CCDC196: variants seen among roughly 807,000 people sequenced by gnomAD.
The protein encoded by CCDC196 is coiled-coil domain containing 196, also known as coiled-coil domain-containing protein 196.
intron 2 of CCDC196, among the ~76,000 whole-genome samples, chr14:66,487,594 G>A (rs958291365): frequency 6.6e-6 from 1 of 152,116 alleles, no homozygotes; most frequent in African/African-American, 2.4e-5. Context: ...ATGCCTTTAA[G>A]GAATATCCTC....
chr14:66,496,679 C>G (rs1036530155), intron 8 of CCDC196: 1 of 178,718 alleles, frequency 5.6e-6, no homozygotes, highest in Non-Finnish European at 1.2e-5. Context: ...AGGTGCTAAG[C>G]AATCTCTAAA....
At chr14:66,488,075 G>C (rs904452016) in intron 2 of CCDC196, 85 bp from the exon 3 acceptor site, 2 of 408,136 alleles carry the variant, frequency 4.9e-6, no homozygotes, top group African/African-American at 4.1e-5. Context: ...AACTTTCATG[G>C]TAGAGTACTT....
rs1423193036 is a variant in CCDC196, at chr14:66,498,512, T to G, written c.*40T>G. ...ATTTGCTTTGGACAGATTTAAAGAC[T>G]AGGCACAGCCATTTGTGTTAATTAA... On this transcript the variant is annotated 3_prime_UTR_variant, in exon 10 of 10. Coordinates refer to ENST00000636229, the MANE Select transcript of CCDC196 (RefSeq NM_001351576.1). 1 of 412,480 alleles carries G rather than the reference T, an allele frequency of 2.4e-6. No individual in the cohort carries two copies. The highest frequency in any genetic ancestry group is 4.4e-6 in the Non-Finnish European group (1 of 225,332). The allele number at this position is 412,480 out of a possible 1,614,324, so 25.6% of individuals were successfully genotyped here.
intron 8 of CCDC196, among the ~76,000 whole-genome samples, chr14:66,492,514 G>A (rs1788308532): frequency 1.3e-5 from 2 of 151,796 alleles, no homozygotes; most frequent in African/African-American, 4.8e-5. Flanking sequence ...GCTAATTTTT[G>A]TATTTTTAGT....
intron 2 of CCDC196, among the ~76,000 whole-genome samples, chr14:66,487,066 C>G (rs1437786457): frequency 6.6e-6 from 1 of 152,086 alleles, no homozygotes; most frequent in Non-Finnish European, 1.5e-5. Flanking sequence ...GCTGCCCACC[C>G]AAGAAATAGT....
intron 8 of CCDC196, chr14:66,494,544 T>C (rs959894389): frequency 3.9e-5 from 6 of 152,240 alleles, no homozygotes; most frequent in African/African-American, 1.4e-4. Context: ...TTGACTTCTT[T>C]AGTTTCCTAA....
At chr14:66,493,494 G>A (rs1384550413) in intron 8 of CCDC196, among the ~76,000 whole-genome samples, 1 of 152,188 alleles carries the variant, frequency 6.6e-6, no homozygotes, top group Non-Finnish European at 1.5e-5. Context: ...TTTGTGTGAT[G>A]ATAGTCGCCA....
chr14:66,495,020 C>T (rs989556828), intron 8 of CCDC196, among the ~76,000 whole-genome samples: 27 of 144,074 alleles, frequency 1.9e-4, no homozygotes, highest in South Asian at 4.4e-4. Flanking sequence ...AGCGAGACTT[C>T]GTATCAAAAA....
intron 8 of CCDC196, among the ~76,000 whole-genome samples, chr14:66,496,530 G>C (rs953080106): frequency 6.6e-6 from 1 of 152,144 alleles, no homozygotes; most frequent in Non-Finnish European, 1.5e-5. Context: ...CCGGAGACAG[G>C]TGACATTTGA....
intron 2 of CCDC196, 45 bp from the exon 3 acceptor site, chr14:66,488,115 C>A: frequency 2.4e-6 from 1 of 412,192 alleles, no homozygotes; most frequent in South Asian, 1.3e-4. Flanking sequence ...TCAGTATTAC[C>A]CTTAAGGAGG....
intron 6 of CCDC196, among the ~76,000 whole-genome samples, 181 bp from the exon 7 acceptor site, chr14:66,491,445 C>A (rs2057533265): frequency 6.6e-6 from 1 of 152,194 alleles, no homozygotes; most frequent in Non-Finnish European, 1.5e-5. Flanking sequence ...TAACCCTATT[C>A]ATTAGCTTTT....
chr14:66,494,782 T>C (rs1165658949), intron 8 of CCDC196: 6 of 152,136 alleles, frequency 3.9e-5, no homozygotes, highest in African/African-American at 1.4e-4. Flanking sequence ...TCCCAGCACT[T>C]TGGGAGGCTG....
chr14:66,498,410 G>A lies in CCDC196; in HGVS notation c.832G>A (p.Asp278Asn). Residue 278 changes from aspartate (D) to asparagine (N), a missense_variant, in exon 10 of 10, where the codon GAT becomes AAT. Transcript: ENST00000636229. Reference sequence around the variant, plus strand: ...ACAAGGAACTAAAGGAAGTCAGCTTGATAATACAGGAGGGAGACTCTTTTT... The same window carrying A: ...ACAAGGAACTAAAGGAAGTCAGCTTAATAATACAGGAGGGAGACTCTTTTT... ...EQQGTKGSQL[D>N]NTGGRLFFLR... 2.4e-6 allele frequency: 1 copy of A among 413,406 alleles called. No homozygotes were observed. Among genetic ancestry groups the A allele is most frequent in the Non-Finnish European group, 4.4e-6 (1 of 225,840 alleles). 25.6% of individuals were successfully genotyped at this position (413,406 alleles called of 1,614,324 possible). A position where few individuals can be genotyped will look rare whatever the true frequency, so the allele number is the denominator to read the frequency against.
intron 8 of CCDC196, among the ~76,000 whole-genome samples, 190 bp from the exon 9 acceptor site, chr14:66,497,919 T>C (rs978980046): frequency 2.6e-5 from 4 of 151,880 alleles, no homozygotes; most frequent in Admixed American, 2.0e-4. Context: ...ACATGAGCTG[T>C]AAACAGAAAA....
intron 8 of CCDC196, among the ~76,000 whole-genome samples, chr14:66,493,354 A>G (rs980630675): frequency 6.6e-5 from 10 of 152,180 alleles, no homozygotes; most frequent in Non-Finnish European, 1.3e-4. Flanking sequence ...TTCCAGTAAA[A>G]AGAAACATGG....
intron 8 of CCDC196, among the ~76,000 whole-genome samples, chr14:66,497,481 C>T (rs2057693090): frequency 6.6e-6 from 1 of 151,672 alleles, no homozygotes. Flanking sequence ...AAAGGGATAC[C>T]CTATTAAATT....
chr14:66,487,013 C>G (rs1481518642), intron 2 of CCDC196, among the ~76,000 whole-genome samples: 1 of 152,082 alleles, frequency 6.6e-6, no homozygotes, highest in African/African-American at 2.4e-5. Flanking sequence ...AAATATGACT[C>G]AGCCCTCATT....
Position 66,488,387 on chromosome 14 carries a change from T to C in CCDC196, c.300+131T>C, listed in dbSNP as rs187080199. The C allele has an allele frequency of 2.3e-3, 903 of 395,536 alleles. 1 individual carries two copies. The highest frequency in any genetic ancestry group is 3.9e-3 in the Admixed American group (89 of 22,598). 24.5% of individuals were successfully genotyped at this position (395,536 alleles called of 1,614,324 possible). On this transcript the variant is annotated intron_variant, in intron 3 of 9. Transcript: ENST00000636229. Reference sequence around the variant, plus strand: ...TGCTCCAACACTCATATCTCCTTGATCTAGAAAGTCCAGGGTGACCCAAAA... The same window carrying C: ...TGCTCCAACACTCATATCTCCTTGACCTAGAAAGTCCAGGGTGACCCAAAA...
intron 8 of CCDC196, among the ~76,000 whole-genome samples, chr14:66,492,487 A>G (rs2139598506): frequency 6.6e-6 from 1 of 152,048 alleles, no homozygotes; most frequent in Middle Eastern, 3.4e-3. Context: ...GATTACAGGC[A>G]CGCACCACCA....
Sources: gnomAD v4.1 joint callset for allele counts (sites outside exome capture counted in the v4.1 genomes callset) on GRCh38, gnomAD v4.1.1 for gene constraint, MANE v1.5 for transcripts, NCBI Gene and HGNC (gene_info 2026-07-23, HGNC 2026-07-21) for gene names.